DLG2: variants seen among roughly 807,000 people sequenced by gnomAD.
DLG2 encodes disks large homolog 2.
A neutral mutation model predicts 132.5 loss-of-function variants in DLG2; 45 were observed. The ratio of observed to expected loss-of-function variants is 0.34; its 90% CI spans 0.27 to 0.44. DLG2 has a LOEUF of 0.44. DLG2 is among the 20% of genes least tolerant of loss of function. The pLI, the probability that DLG2 is intolerant of heterozygous loss-of-function variation, is 1.00. For synonymous variants in DLG2, 424 were observed against 419.6 expected, an observed-to-expected ratio of 1.01 and a Z score of -0.13; for missense variants, 1,045 against 1,196.9, an observed-to-expected ratio of 0.87 and a Z score of 1.87.
At chr11:84,787,055 C>A (rs2073024054) in intron 6 of DLG2, among the ~76,000 whole-genome samples, 1 of 152,148 alleles carries the variant, frequency 6.6e-6, no homozygotes, top group Non-Finnish European at 1.5e-5. Context: ...TAATGAGACT[C>A]AAAGAACCAA....
intron 3 of DLG2, among the ~76,000 whole-genome samples, chr11:85,540,761 C>T (rs566797555): frequency 6.6e-6 from 1 of 152,346 alleles, no homozygotes; most frequent in Non-Finnish European, 1.5e-5. Flanking sequence ...AAACACTCAA[C>T]CTTAGACGCT....
chr11:83,685,611 ACTT>A (rs761161703), intron 18 of DLG2, among the ~76,000 whole-genome samples: 45 of 151,982 alleles, frequency 3.0e-4, no homozygotes, highest in Non-Finnish European at 5.3e-4. Flanking sequence ...TTGTCATTAG[ACTT>A]CTTTTTTATA....
chr11:84,528,193 G>A (rs2154519487), intron 7 of DLG2, among the ~76,000 whole-genome samples: 1 of 152,148 alleles, frequency 6.6e-6, no homozygotes, highest in African/African-American at 2.4e-5. Context: ...AATTCTTGTG[G>A]TTTATTATAG....
intron 15 of DLG2, among the ~76,000 whole-genome samples, chr11:83,897,251 A>T (rs1376370315): frequency 6.6e-6 from 1 of 152,282 alleles, no homozygotes; most frequent in African/African-American, 2.4e-5. Flanking sequence ...AGTTACTCCT[A>T]TTTGGGCCAT....
chr11:83,790,782 T>C (rs553657058), intron 17 of DLG2: 35 of 758,576 alleles, frequency 4.6e-5, no homozygotes, highest in South Asian at 4.6e-4. Context: ...TGCCTGACTC[T>C]CATCTTCGGG....
intron 6 of DLG2, among the ~76,000 whole-genome samples, chr11:84,588,594 T>C (rs1405545215): frequency 6.6e-6 from 1 of 152,086 alleles, no homozygotes; most frequent in Non-Finnish European, 1.5e-5. Context: ...GAATACAGGC[T>C]GGCTAAAATG....
chr11:85,219,745 T>C (rs10736769), intron 4 of DLG2, among the ~76,000 whole-genome samples: 120,144 of 147,394 alleles, frequency 0.82, 49,829 homozygotes, highest in Non-Finnish European at 0.9. Context: ...AACTAGATTA[T>C]ATCTGCAAAG....
intron 16 of DLG2, among the ~76,000 whole-genome samples, chr11:83,862,650 T>A (rs1025462371): frequency 1.3e-5 from 2 of 151,966 alleles, no homozygotes; most frequent in African/African-American, 2.4e-5. Context: ...AGGTGATAGA[T>A]ACTCCCCCAC....
chr11:83,787,479 G>A (rs1167435839), intron 17 of DLG2, among the ~76,000 whole-genome samples: 5 of 151,588 alleles, frequency 3.3e-5, no homozygotes, highest in African/African-American at 1.2e-4. Flanking sequence ...CCGCCACCAC[G>A]CCCGGCTAAT....
At chr11:84,144,339 C>T (rs1022746670) in intron 9 of DLG2, among the ~76,000 whole-genome samples, 2 of 152,106 alleles carry the variant, frequency 1.3e-5, no homozygotes, top group Non-Finnish European at 2.9e-5. Flanking sequence ...GAAACCCCTA[C>T]AGTCACAAAA....
chr11:85,512,166 A>G (rs771188167), intron 3 of DLG2, among the ~76,000 whole-genome samples: 1 of 152,054 alleles, frequency 6.6e-6, no homozygotes, highest in African/African-American at 2.4e-5. Flanking sequence ...AAGGGCATCA[A>G]ATGAAAGATT....
At chr11:85,108,944 T>C (rs887589037) in intron 6 of DLG2, among the ~76,000 whole-genome samples, 3 of 152,136 alleles carry the variant, frequency 2.0e-5, no homozygotes, top group Non-Finnish European at 4.4e-5. Context: ...AAAGCAGCTT[T>C]AGAGGTCTAA....
At chr11:83,487,226 A>C (rs2093574511) in intron 21 of DLG2, among the ~76,000 whole-genome samples, 1 of 152,188 alleles carries the variant, frequency 6.6e-6, no homozygotes, top group Non-Finnish European at 1.5e-5. Context: ...TGAAAATACC[A>C]ATCAAATGTG....
At position 84,450,407 on chromosome 11, in the gene DLG2, C is replaced by CT. The variant is rs34295402; in HGVS notation, c.519+84162dup. Among the ~76,000 whole-genome samples the CT allele has an allele frequency of 5.9e-3, 809 of 137,454 alleles. 2 individuals are homozygous for CT. The highest frequency in any genetic ancestry group is 0.015 in the South Asian group (66 of 4,290). The allele number at this position is 137,454 out of a possible 152,430, so 90.2% of individuals were successfully genotyped here. ...AGAAAACAGATCAGAACAAGAAGTA[C>CT]TTTTTTTTTTTTTTTTCCAGAAGAA... On this transcript the variant is annotated intron_variant, in intron 7 of 27. Transcript: ENST00000376104.
chr11:84,990,948 T>C (rs989894094), intron 6 of DLG2, among the ~76,000 whole-genome samples: 1 of 152,148 alleles, frequency 6.6e-6, no homozygotes, highest in Non-Finnish European at 1.5e-5. Flanking sequence ...TTATTCTGAA[T>C]AGCCAGAACT....
At chr11:84,782,267 T>A (rs1424500410) in intron 6 of DLG2, among the ~76,000 whole-genome samples, 1 of 152,112 alleles carries the variant, frequency 6.6e-6, no homozygotes, top group South Asian at 2.1e-4. Context: ...ATTAAATATT[T>A]ATCCAAAATA....
intron 9 of DLG2, among the ~76,000 whole-genome samples, chr11:84,137,871 C>A (rs1366519942): frequency 6.6e-6 from 1 of 152,140 alleles, no homozygotes; most frequent in Non-Finnish European, 1.5e-5. Flanking sequence ...TGCCATTACT[C>A]TTTCTTCCCT....
chr11:84,357,758 T>G (rs2098625482), intron 7 of DLG2, among the ~76,000 whole-genome samples: 1 of 152,070 alleles, frequency 6.6e-6, no homozygotes, highest in African/African-American at 2.4e-5. Flanking sequence ...ATTTTTCAAA[T>G]TATTACTAGT....
intron 4 of DLG2, among the ~76,000 whole-genome samples, chr11:85,181,342 A>T (rs1426340954): frequency 6.6e-6 from 1 of 151,722 alleles, no homozygotes; most frequent in Admixed American, 6.6e-5. Context: ...CAATCCACTT[A>T]CACCCTTTTA....
Sources: allele counts gnomAD v4.1 joint callset (sites outside exome capture counted in the v4.1 genomes callset), GRCh38; gene constraint gnomAD v4.1.1; transcripts MANE v1.5; gene names NCBI Gene and HGNC (gene_info 2026-07-23, HGNC 2026-07-21).